The following MBNL2 variants were observed in gnomAD, a reference collection of about 807,000 sequenced individuals.
The protein encoded by MBNL2 is muscleblind like splicing regulator 2, also known as muscleblind-like protein 2.
Under a neutral mutation model 41.9 loss-of-function variants are expected in MBNL2, and 17 were observed. The observed-to-expected ratio is 0.41, with a 90% CI of 0.28 to 0.61. The LOEUF (loss-of-function observed/expected upper bound fraction) is 0.61. Ranked by LOEUF, MBNL2 falls within the 20% of genes least tolerant of loss-of-function variation. The probability of loss-of-function intolerance (pLI) is 0.35; values close to 1 mark genes in which losing one functional copy is unlikely to be tolerated. For missense variants in MBNL2, 336 were observed against 505.6 expected (o/e 0.66, Z 3.22); for synonymous variants, 195 against 182.9 (o/e 1.07, Z -0.53).
chr13:97,337,131 A>T (rs79529354), intron 3 of MBNL2, among the ~76,000 whole-genome samples: 4,393 of 152,188 alleles, frequency 0.029, 94 homozygotes, highest in Middle Eastern at 0.071. Flanking sequence ...CATGAATGGA[A>T]TCAGTGCCCT....
Position 97,366,613 on chromosome 13 carries a change from T to TAAAAAA in MBNL2, c.1048+1447_1048+1452dup. ...CAAACTCTAAATGAGTGCTGATATT[T>TAAAAAA]AAAAAAAAAATTCTCGGTGAGAATT... is the stretch of plus-strand genomic sequence containing the variant. On this transcript the variant is annotated intron_variant, in intron 8 of 8. Coordinates refer to ENST00000679496, the MANE Select transcript of MBNL2 (RefSeq NM_001382683.1). The surrounding 1 kb of genome is among the most constrained non-coding windows in gnomAD (Gnocchi z 4.7). 1 of 993,964 alleles carries TAAAAAA rather than the reference T, an allele frequency of 1.0e-6. No homozygotes were observed. The highest frequency in any genetic ancestry group is 1.6e-6 in the Non-Finnish European group (1 of 642,832). The allele number at this position is 993,964 out of a possible 1,614,324, so 61.6% of individuals were successfully genotyped here.
intron 2 of MBNL2, among the ~76,000 whole-genome samples, chr13:97,283,066 C>A (rs1464219576): frequency 2.0e-5 from 3 of 152,142 alleles, no homozygotes; most frequent in Non-Finnish European, 4.4e-5. Flanking sequence ...TTTGGTCATT[C>A]GAGGAGGATT....
At chr13:97,147,566 C>T in the MBNL2 span, among the ~76,000 whole-genome samples, 1 of 152,022 alleles carries the variant, frequency 6.6e-6, no homozygotes, top group Admixed American at 6.5e-5. Flanking sequence ...ACATCCATTT[C>T]TCATGTTGTT....
chr13:97,189,261 C>T, the MBNL2 span, among the ~76,000 whole-genome samples: 3 of 152,260 alleles, frequency 2.0e-5, no homozygotes, highest in East Asian at 3.9e-4. Flanking sequence ...GATTTAATTA[C>T]CTGTATCTCT....
At chr13:97,388,752 C>T (rs1312712427) in intron 8 of MBNL2, among the ~76,000 whole-genome samples, 2 of 152,140 alleles carry the variant, frequency 1.3e-5, no homozygotes, top group African/African-American at 4.8e-5. Context: ...GGGCATATTT[C>T]ACCCCAGAGT....
At chr13:97,304,131 C>T (rs1012610087) in intron 2 of MBNL2, among the ~76,000 whole-genome samples, 2 of 152,192 alleles carry the variant, frequency 1.3e-5, no homozygotes, top group Non-Finnish European at 2.9e-5. Context: ...AAGAAAGGCT[C>T]CAACCCATGG....
chr13:97,363,757 T>A (rs925390169), intron 7 of MBNL2, among the ~76,000 whole-genome samples: 1 of 152,100 alleles, frequency 6.6e-6, no homozygotes, highest in Non-Finnish European at 1.5e-5. Flanking sequence ...AGGTTTAAGT[T>A]GGATGTATTG....
the MBNL2 span, among the ~76,000 whole-genome samples, chr13:97,166,042 T>C: frequency 6.6e-6 from 1 of 152,222 alleles, no homozygotes; most frequent in Non-Finnish European, 1.5e-5. Context: ...TGGAGCATGG[T>C]TGCTATGCAA....
chr13:97,329,658 ATGCAGCAC>A (rs2060222022), intron 2 of MBNL2, among the ~76,000 whole-genome samples: 1 of 46,074 alleles, frequency 2.2e-5, no homozygotes, highest in African/African-American at 9.9e-5. Flanking sequence ...ATACACACAC[ATGCAGCAC>A]ACATACAACA....
the MBNL2 span, among the ~76,000 whole-genome samples, chr13:97,151,811 C>T: frequency 6.6e-6 from 1 of 152,000 alleles, no homozygotes; most frequent in East Asian, 1.9e-4. Context: ...AAGATTTTTC[C>T]CTGAAGAACC....
At chr13:97,199,438 C>A in the MBNL2 span, among the ~76,000 whole-genome samples, 2 of 152,170 alleles carry the variant, frequency 1.3e-5, no homozygotes, top group East Asian at 3.9e-4. Flanking sequence ...GTCTATTGTG[C>A]TCCCTGATAT....
the MBNL2 span, among the ~76,000 whole-genome samples, chr13:97,156,058 G>C: frequency 9.3e-6 from 1 of 107,972 alleles, no homozygotes; most frequent in African/African-American, 3.8e-5. Context: ...TCCAGCACCT[G>C]TTGTTTCCTG....
chr13:97,287,059 A>G (rs1309307339), intron 2 of MBNL2, among the ~76,000 whole-genome samples: 1 of 151,418 alleles, frequency 6.6e-6, no homozygotes, highest in East Asian at 1.9e-4. Flanking sequence ...TTTCTGGCTG[A>G]CTATTACTCA....
At chr13:97,341,834 A>G (rs988357679) in intron 3 of MBNL2, among the ~76,000 whole-genome samples, 1 of 152,212 alleles carries the variant, frequency 6.6e-6, no homozygotes. Context: ...CATTTTTCCC[A>G]TATGTTAAAT....
intron 8 of MBNL2, among the ~76,000 whole-genome samples, chr13:97,389,383 T>C (rs1204752196): frequency 6.6e-6 from 1 of 152,204 alleles, no homozygotes; most frequent in Admixed American, 6.6e-5. Context: ...TCTAAATGCA[T>C]TCTAAAATAC....
At chr13:97,194,336 C>T in the MBNL2 span, among the ~76,000 whole-genome samples, 1 of 152,138 alleles carries the variant, frequency 6.6e-6, no homozygotes, top group Non-Finnish European at 1.5e-5. Context: ...TAGGTGGGCT[C>T]CTTAAATACT....
chr13:97,256,278 TC>T, intron 1 of MBNL2, among the ~76,000 whole-genome samples: 1 of 152,010 alleles, frequency 6.6e-6, no homozygotes, highest in East Asian at 1.9e-4. Flanking sequence ...CATGTGAAAT[TC>T]CTTGAATAAA....
the MBNL2 span, among the ~76,000 whole-genome samples, chr13:97,176,299 G>A: frequency 1.2e-3 from 184 of 152,262 alleles, no homozygotes; most frequent in African/African-American, 4.3e-3. Flanking sequence ...ATATAAAGCT[G>A]CAGAATACAA....
chr13:97,339,161 GT>G (rs1488447714), intron 3 of MBNL2, among the ~76,000 whole-genome samples: 1 of 6,536 alleles, frequency 1.5e-4, no homozygotes, highest in African/African-American at 4.8e-4. Flanking sequence ...GGAGTGTGCT[GT>G]GAATGTGTAT....
Sources: allele counts gnomAD v4.1 joint callset (sites outside exome capture counted in the v4.1 genomes callset), GRCh38; gene constraint gnomAD v4.1.1; non-coding constraint Gnocchi (gnomAD v3.1); transcripts MANE v1.5; gene names NCBI Gene and HGNC (gene_info 2026-07-23, HGNC 2026-07-21).